The following PAX3 variants were observed in gnomAD, a reference collection of about 807,000 sequenced individuals.
PAX3 encodes paired box protein Pax-3.
In PAX3, 14 loss-of-function variants were observed where a neutral mutation model predicts 51.6. The ratio of observed to expected loss-of-function variants is 0.27; its 90% CI spans 0.18 to 0.42. The LOEUF (loss-of-function observed/expected upper bound fraction) is 0.42, where lower values mean the gene tolerates loss of function less well. Among genes scored for constraint, PAX3 ranks in the 10% least tolerant of loss-of-function variants. The pLI, the probability that PAX3 is intolerant of heterozygous loss-of-function variation, is 1.00. For synonymous variants in PAX3, 280 were observed against 253.4 expected, an observed-to-expected ratio of 1.11 and a Z score of -1.00; for missense variants, 540 against 642.8, an observed-to-expected ratio of 0.84 and a Z score of 1.73.
Position 222,297,216 on chromosome 2 carries a change from G to A in PAX3, c.86-3C>T. On this transcript the variant is annotated splice_polypyrimidine_tract_variant and splice_region_variant and intron_variant, in intron 1 of 8. Transcript: ENST00000392070. ...GCCCTGGCCGAGGGGAGTGGACACT[G>A]TGGGAAGGTGAAAAAGAGAAGCAAG... The A allele has an allele frequency of 2.6e-6, 4 of 1,562,020 alleles. No individual in the cohort carries two copies. The highest frequency in any genetic ancestry group is 3.5e-6 in the Non-Finnish European group (4 of 1,150,474).
chr2:222,294,654 G>T (rs1695190667), intron 3 of PAX3, among the ~76,000 whole-genome samples: 1 of 151,134 alleles, frequency 6.6e-6, no homozygotes, highest in Admixed American at 6.6e-5. Flanking sequence ...CAATCTAAGA[G>T]AATTCTCCCA....
At chr2:222,267,361 T>C (rs1694088633) in intron 4 of PAX3, among the ~76,000 whole-genome samples, 1 of 152,234 alleles carries the variant, frequency 6.6e-6, no homozygotes, top group Admixed American at 6.5e-5. Flanking sequence ...ATATTTTCAG[T>C]ATTATAAGAT....
chr2:222,215,288 T>A (rs1411236920), intron 7 of PAX3, among the ~76,000 whole-genome samples: 1 of 152,100 alleles, frequency 6.6e-6, no homozygotes, highest in Non-Finnish European at 1.5e-5. Context: ...AAAAATGTGT[T>A]TTAGGTTTTA....
intron 5 of PAX3, among the ~76,000 whole-genome samples, chr2:222,224,986 C>T (rs1692331218): frequency 6.6e-6 from 1 of 152,110 alleles, no homozygotes; most frequent in South Asian, 2.1e-4. Flanking sequence ...GTTGGCTATA[C>T]ACCTTTAAAT....
chr2:222,257,152 G>C (rs1047811355), intron 4 of PAX3, among the ~76,000 whole-genome samples: 3 of 151,994 alleles, frequency 2.0e-5, no homozygotes, highest in Admixed American at 6.6e-5. Context: ...ATGTCTCCAG[G>C]TGCCTTGCTC....
chr2:222,261,984 C>T (rs916951395), intron 4 of PAX3, among the ~76,000 whole-genome samples: 7 of 152,186 alleles, frequency 4.6e-5, no homozygotes, highest in African/African-American at 1.7e-4. Flanking sequence ...CAAATAGCTT[C>T]TTTGTGCCCC....
At chr2:222,285,688 T>G (rs1400815203) in intron 4 of PAX3, among the ~76,000 whole-genome samples, 1 of 152,254 alleles carries the variant, frequency 6.6e-6, no homozygotes, top group African/African-American at 2.4e-5. Flanking sequence ...CCTAACTTAC[T>G]TATTATTTCC....
At chr2:222,217,301 C>G (rs1298116959) in intron 7 of PAX3, among the ~76,000 whole-genome samples, 1 of 152,062 alleles carries the variant, frequency 6.6e-6, no homozygotes, top group Non-Finnish European at 1.5e-5. Flanking sequence ...ATAAATTGAC[C>G]TGAACAGAAA....
chr2:222,295,457 G>A (rs1376225503), intron 3 of PAX3, 71 bp downstream of exon 3: 1 of 1,560,882 alleles, frequency 6.4e-7, no homozygotes, highest in Non-Finnish European at 8.8e-7. Flanking sequence ...GGGTGATTAC[G>A]TCTGGGTCGA....
intron 1 of PAX3, 72 bp downstream of exon 1, chr2:222,298,459 A>G (rs1476601627): frequency 1.6e-6 from 2 of 1,286,048 alleles, no homozygotes; most frequent in East Asian, 5.0e-5. Flanking sequence ...GAGCCTGCGG[A>G]GCCTGGGGAT....
chr2:222,211,029 G>T (rs982634644), intron 7 of PAX3, among the ~76,000 whole-genome samples: 2 of 151,958 alleles, frequency 1.3e-5, no homozygotes, highest in African/African-American at 4.8e-5. Flanking sequence ...ACCATTCCCA[G>T]CTAATTTTTG....
At chr2:222,285,451 G>T (rs919504525) in intron 4 of PAX3, among the ~76,000 whole-genome samples, 2 of 152,174 alleles carry the variant, frequency 1.3e-5, no homozygotes, top group Non-Finnish European at 2.9e-5. Context: ...CCACTAAAAG[G>T]GTAGGGGGCG....
intron 4 of PAX3, among the ~76,000 whole-genome samples, chr2:222,275,027 G>A (rs1694370570): frequency 6.6e-6 from 1 of 152,184 alleles, no homozygotes; most frequent in African/African-American, 2.4e-5. Context: ...TAGAAGTGAA[G>A]TGGCTAAGAT....
intron 4 of PAX3, among the ~76,000 whole-genome samples, chr2:222,261,975 A>G (rs1402189057): frequency 6.6e-6 from 1 of 152,200 alleles, no homozygotes; most frequent in Non-Finnish European, 1.5e-5. Context: ...CCAGCACCCC[A>G]AATAGCTTCT....
chr2:222,235,392 C>T (rs944795346), intron 4 of PAX3, among the ~76,000 whole-genome samples: 2 of 152,132 alleles, frequency 1.3e-5, no homozygotes, highest in African/African-American at 4.8e-5. Context: ...GATTTATTTG[C>T]CACTGTTTTA....
chr2:222,242,116 C>T (rs72960894), intron 4 of PAX3, among the ~76,000 whole-genome samples: 17,554 of 152,002 alleles, frequency 0.12, 1,151 homozygotes, highest in South Asian at 0.26. Context: ...AAAGAAAAAC[C>T]ATGTTGTAAA....
intron 4 of PAX3, among the ~76,000 whole-genome samples, chr2:222,271,112 T>C (rs1048665403): frequency 2.0e-5 from 3 of 152,220 alleles, no homozygotes; most frequent in Admixed American, 6.5e-5. Context: ...GAGCAAATAT[T>C]ATCGCCTACA....
intron 8 of PAX3, 45 bp downstream of exon 8, chr2:222,201,899 T>A (rs959065396): frequency 6.2e-7 from 1 of 1,613,874 alleles, no homozygotes; most frequent in African/African-American, 1.3e-5. Context: ...GTTGAGTTTA[T>A]CTCCCTTCCA....
intron 4 of PAX3, among the ~76,000 whole-genome samples, chr2:222,276,727 C>G (rs1227369412): frequency 6.6e-6 from 1 of 152,200 alleles, no homozygotes; most frequent in African/African-American, 2.4e-5. Context: ...ACCTTTACAG[C>G]TAAGGGAACT....
Sources: allele counts gnomAD v4.1 joint callset (sites outside exome capture counted in the v4.1 genomes callset), GRCh38; gene constraint gnomAD v4.1.1; transcripts MANE v1.5; gene names NCBI Gene and HGNC (gene_info 2026-07-23, HGNC 2026-07-21).